The following DAB1 variants were observed in gnomAD, a reference collection of about 807,000 sequenced individuals.
DAB1 encodes DAB adaptor protein 1.
In DAB1, 15 loss-of-function variants were observed where a neutral mutation model predicts 64.6. The ratio of observed to expected loss-of-function variants is 0.23; its 90% CI spans 0.16 to 0.36. The LOEUF is 0.36. DAB1 is among the 10% of genes least tolerant of loss of function. The probability of loss-of-function intolerance (pLI) is 1.00; values close to 1 mark genes in which losing one functional copy is unlikely to be tolerated. For synonymous variants in DAB1, 235 were observed against 251.9 expected (o/e 0.93, Z 0.64); for missense variants, 596 against 706.7 (o/e 0.84, Z 1.78).
intron 2 of DAB1, among the ~76,000 whole-genome samples, chr1:57,171,281 A>G (rs1661731891): frequency 6.6e-6 from 1 of 152,172 alleles, no homozygotes; most frequent in East Asian, 1.9e-4. Context: ...CCCCAAAGGA[A>G]TACTACTTTA....
intron 1 of DAB1, among the ~76,000 whole-genome samples, chr1:58,545,879 G>A (rs1247092051): frequency 1.3e-5 from 2 of 152,132 alleles, no homozygotes; most frequent in Non-Finnish European, 2.9e-5. Context: ...AGAATTGGAC[G>A]GCAGCAGACT....
intron 11 of DAB1, among the ~76,000 whole-genome samples, chr1:57,020,807 T>C (rs1646590872): frequency 6.6e-6 from 1 of 152,248 alleles, no homozygotes; most frequent in South Asian, 2.1e-4. Context: ...AGTATTATTT[T>C]ACACTCAGTT....
chr1:58,187,180 C>T (rs762114906), intron 4 of DAB1, among the ~76,000 whole-genome samples: 1 of 151,774 alleles, frequency 6.6e-6, no homozygotes, highest in African/African-American at 2.4e-5. Flanking sequence ...TGACTCCAGC[C>T]AGGCACAGCG....
At chr1:57,115,421 T>C (rs918630592) in intron 4 of DAB1, among the ~76,000 whole-genome samples, 1 of 152,194 alleles carries the variant, frequency 6.6e-6, no homozygotes. Flanking sequence ...GAGTGAGACA[T>C]ACTCTAGAAC....
intron 4 of DAB1, among the ~76,000 whole-genome samples, chr1:58,316,330 A>T (rs1662557978): frequency 1.3e-5 from 2 of 152,248 alleles, no homozygotes; most frequent in Admixed American, 1.3e-4. Context: ...ACTGGCACAC[A>T]ACAGGTGGTA....
At chr1:57,625,226 TC>T (rs1645908162) in intron 7 of DAB1, among the ~76,000 whole-genome samples, 1 of 152,110 alleles carries the variant, frequency 6.6e-6, no homozygotes, top group Non-Finnish European at 1.5e-5. Flanking sequence ...TTCTCTTCTT[TC>T]CTCCCTCCTT....
intron 3 of DAB1, among the ~76,000 whole-genome samples, chr1:58,500,792 TAAGTG>T (rs1297633864): frequency 6.6e-6 from 1 of 152,162 alleles, no homozygotes; most frequent in Non-Finnish European, 1.5e-5. Flanking sequence ...ACAGGGTTGG[TAAGTG>T]AAGTGGAGAA....
At chr1:57,600,431 T>C (rs1433737138) in intron 7 of DAB1, among the ~76,000 whole-genome samples, 1 of 152,208 alleles carries the variant, frequency 6.6e-6, no homozygotes, top group Non-Finnish European at 1.5e-5. Context: ...ATTTCCAGCC[T>C]TTCTAGAACA....
chr1:57,820,621 T>C (rs1202152473), intron 6 of DAB1, among the ~76,000 whole-genome samples: 1 of 152,192 alleles, frequency 6.6e-6, no homozygotes, highest in Non-Finnish European at 1.5e-5. Context: ...TCCAGATTAA[T>C]AGGATCAGCC....
At chr1:58,365,046 C>T (rs1010628160) in intron 3 of DAB1, among the ~76,000 whole-genome samples, 1 of 152,188 alleles carries the variant, frequency 6.6e-6, no homozygotes, top group Non-Finnish European at 1.5e-5. Flanking sequence ...CATAGTTCTC[C>T]CTGCCCTCGT....
At chr1:57,647,400 G>A (rs997720785) in intron 7 of DAB1, among the ~76,000 whole-genome samples, 1 of 152,120 alleles carries the variant, frequency 6.6e-6, no homozygotes, top group Non-Finnish European at 1.5e-5. Flanking sequence ...GGACTCCCCC[G>A]GAGGCGAACA....
rs535817370 is a variant in DAB1, at chr1:58,341,522, A to G, written n.309+1830T>C. ...TAAAATTCAGAACCATTTATTAAACATAACATCCTTATGAAGTAGATCGTA... is the reference window on the plus strand; with the variant it reads ...TAAAATTCAGAACCATTTATTAAACGTAACATCCTTATGAAGTAGATCGTA... On this transcript the variant is annotated intron_variant and non_coding_transcript_variant, in intron 4 of 20. Transcript: ENST00000485760. Among the ~76,000 whole-genome samples the G allele has an allele frequency of 3.9e-5, 6 of 152,342 alleles. No individual in the cohort carries two copies. In the South Asian group the frequency reaches 1.2e-3, roughly 32 times the overall value.
intron 5 of DAB1, among the ~76,000 whole-genome samples, chr1:58,099,250 C>A (rs536139450): frequency 6.6e-6 from 1 of 152,312 alleles, no homozygotes; most frequent in South Asian, 2.1e-4. Flanking sequence ...CTGTGTACTT[C>A]TGGCCACATC....
At chr1:57,793,957 T>C (rs1237779262) in intron 6 of DAB1, among the ~76,000 whole-genome samples, 1 of 152,160 alleles carries the variant, frequency 6.6e-6, no homozygotes, top group African/African-American at 2.4e-5. Flanking sequence ...AGTGTCCTGA[T>C]TACTTTGGAA....
chr1:57,108,307 C>T (rs998664524), intron 4 of DAB1, among the ~76,000 whole-genome samples: 4 of 152,158 alleles, frequency 2.6e-5, no homozygotes, highest in African/African-American at 9.7e-5. Flanking sequence ...GTCAATCTCA[C>T]ATCCCAGAAA....
At chr1:57,845,336 G>C (rs1289488116) in intron 1 of DAB1, among the ~76,000 whole-genome samples, 2 of 152,194 alleles carry the variant, frequency 1.3e-5, no homozygotes, top group Non-Finnish European at 2.9e-5. Flanking sequence ...AGGATAGAGA[G>C]ACAGGAGGGA....
intron 3 of DAB1, among the ~76,000 whole-genome samples, chr1:58,473,544 A>AT (rs1336819100): frequency 1.1e-4 from 13 of 120,558 alleles, no homozygotes; most frequent in East Asian, 8.5e-4. Context: ...TCCGTCTCAA[A>AT]AAAATAAATA....
chr1:58,421,219 G>T (rs1009321239), intron 3 of DAB1, among the ~76,000 whole-genome samples: 7 of 152,136 alleles, frequency 4.6e-5, no homozygotes, highest in African/African-American at 1.7e-4. Context: ...AGCAAGGCTG[G>T]GTTAATATAT....
intron 1 of DAB1, among the ~76,000 whole-genome samples, chr1:57,338,132 A>G (rs1165064442): frequency 1.3e-5 from 2 of 151,952 alleles, no homozygotes; most frequent in Non-Finnish European, 2.9e-5. Flanking sequence ...CTATAGGCAC[A>G]CACCACCACA....
Sources: allele counts gnomAD v4.1 joint callset (sites outside exome capture counted in the v4.1 genomes callset), GRCh38; gene constraint gnomAD v4.1.1; transcripts MANE v1.5; gene names NCBI Gene and HGNC (gene_info 2026-07-23, HGNC 2026-07-21).